The following NT5C2 variants were observed in gnomAD, a reference collection of about 807,000 sequenced individuals.
NT5C2 encodes 5'-nucleotidase, cytosolic II.
In NT5C2, 58 loss-of-function variants were observed where a neutral mutation model predicts 76.1. The ratio of observed to expected loss-of-function variants is 0.76; its 90% CI spans 0.62 to 0.95. The LOEUF (loss-of-function observed/expected upper bound fraction) is 0.95, where lower values mean the gene tolerates loss of function less well. NT5C2 is among the 40% of genes least tolerant of loss of function. The probability of loss-of-function intolerance (pLI) is 0.00; values close to 1 mark genes in which losing one functional copy is unlikely to be tolerated. For missense variants in NT5C2, 478 were observed against 690.3 expected (o/e 0.69, Z 3.45); for synonymous variants, 229 against 237.4 (o/e 0.96, Z 0.32).
At chr10:103,139,002 C>T (rs968244885) in intron 4 of NT5C2, among the ~76,000 whole-genome samples, 19 of 149,756 alleles carry the variant, frequency 1.3e-4, no homozygotes, top group South Asian at 2.1e-4. Flanking sequence ...AGCGAAACTC[C>T]GTCTCAAAAA....
At chr10:103,176,602 G>A (rs1406428596) in intron 2 of NT5C2, among the ~76,000 whole-genome samples, 2 of 152,138 alleles carry the variant, frequency 1.3e-5, no homozygotes, top group Non-Finnish European at 2.9e-5. Context: ...TCGCAGTGGC[G>A]TGATCTCTGC....
chr10:103,144,863 T>C (rs1255942254), intron 3 of NT5C2, among the ~76,000 whole-genome samples: 2 of 152,242 alleles, frequency 1.3e-5, no homozygotes, highest in Non-Finnish European at 1.5e-5. Context: ...AAATATCCTT[T>C]ATCTTTCCAT....
At chr10:103,120,957 A>G (rs2075535967) in intron 4 of NT5C2, among the ~76,000 whole-genome samples, 1 of 152,258 alleles carries the variant, frequency 6.6e-6, no homozygotes, top group Admixed American at 6.5e-5. Flanking sequence ...AATATTATTC[A>G]GTCTCAAAAA....
chr10:103,134,667 A>T (rs929170740), intron 4 of NT5C2, among the ~76,000 whole-genome samples: 47 of 152,132 alleles, frequency 3.1e-4, no homozygotes, highest in African/African-American at 1.1e-3. Flanking sequence ...GAGCTGTGAG[A>T]AGAGGATCAC....
At chr10:103,156,687 G>A (rs764495250) in intron 3 of NT5C2, among the ~76,000 whole-genome samples, 1 of 144,468 alleles carries the variant, frequency 6.9e-6, no homozygotes, top group African/African-American at 2.6e-5. Flanking sequence ...CCCAGGAGGC[G>A]GAGGTTGTGG....
chr10:103,171,326 A>C (rs1236003774), intron 3 of NT5C2, among the ~76,000 whole-genome samples: 3 of 152,226 alleles, frequency 2.0e-5, no homozygotes, highest in Non-Finnish European at 4.4e-5. Context: ...CCTAATTCTG[A>C]CTTAGCTTTC....
chr10:103,099,130 T>C (rs895931076), intron 9 of NT5C2, 146 bp from the exon 10 acceptor site: 1 of 671,390 alleles, frequency 1.5e-6, no homozygotes, highest in African/African-American at 1.8e-5. Context: ...TAGAGTGCAG[T>C]GGTACAATCT....
chr10:103,189,310 A>G (rs923272838), intron 1 of NT5C2, among the ~76,000 whole-genome samples: 13 of 152,140 alleles, frequency 8.5e-5, no homozygotes, highest in African/African-American at 2.7e-4. Context: ...ATCAAATTTT[A>G]ACAATTAAAA....
At chr10:103,120,400 A>G (rs569638054) in intron 4 of NT5C2, among the ~76,000 whole-genome samples, 2 of 152,340 alleles carry the variant, frequency 1.3e-5, no homozygotes, top group African/African-American at 4.8e-5. Flanking sequence ...TGAGGGATTA[A>G]TATCCAGAAT....
At chr10:103,170,444 T>TC (rs1159612508) in intron 3 of NT5C2, among the ~76,000 whole-genome samples, 1 of 151,790 alleles carries the variant, frequency 6.6e-6, no homozygotes, top group Non-Finnish European at 1.5e-5. Flanking sequence ...TCTAAAATAT[T>TC]CCAGGAAATA....
At position 103,131,245 on chromosome 10, in the gene NT5C2, T is replaced by TA. The variant is rs576512858; in HGVS notation, c.175+8160dup. Among the ~76,000 whole-genome samples, 451 of 152,352 alleles carry TA rather than the reference T, an allele frequency of 3.0e-3. 2 individuals are homozygous for TA. Among genetic ancestry groups the TA allele is most frequent in the Non-Finnish European group, 5.2e-3 (351 of 68,026 alleles). ...ATTCTAACTCTGAAAACTAGTAATC[T>TA]ATCTATGCTGTAAGGTAATTATATA... On this transcript the variant is annotated intron_variant, in intron 4 of 18. Transcript: ENST00000404739.
At chr10:103,124,392 A>G (rs1029237181) in intron 4 of NT5C2, among the ~76,000 whole-genome samples, 1 of 152,180 alleles carries the variant, frequency 6.6e-6, no homozygotes, top group African/African-American at 2.4e-5. Context: ...AACACACAGA[A>G]AAGAGCATTA....
At chr10:103,159,106 G>A (rs987559027) in intron 3 of NT5C2, among the ~76,000 whole-genome samples, 6 of 152,114 alleles carry the variant, frequency 3.9e-5, no homozygotes, top group African/African-American at 1.4e-4. Context: ...AGTAGCAGAT[G>A]CTTGTAGTTC....
chr10:103,146,839 C>T (rs1291885681), intron 3 of NT5C2, among the ~76,000 whole-genome samples: 4 of 152,222 alleles, frequency 2.6e-5, no homozygotes, highest in Non-Finnish European at 5.9e-5. Context: ...AATTGCTCTG[C>T]CCTCGCACTA....
intron 4 of NT5C2, among the ~76,000 whole-genome samples, chr10:103,134,077 G>C (rs1337537100): frequency 6.6e-6 from 1 of 152,162 alleles, no homozygotes; most frequent in Non-Finnish European, 1.5e-5. Context: ...GGGAAGCAGA[G>C]CATAAAAGTT....
chr10:103,092,564 C>T (rs1590645835), intron 15 of NT5C2, among the ~76,000 whole-genome samples: 1 of 147,918 alleles, frequency 6.8e-6, no homozygotes, highest in Non-Finnish European at 1.5e-5. Context: ...GCAGGTAATG[C>T]GCATCAAGGC....
chr10:103,174,269 T>G (rs967036610), intron 3 of NT5C2, among the ~76,000 whole-genome samples: 5 of 151,354 alleles, frequency 3.3e-5, no homozygotes, highest in African/African-American at 1.2e-4. Flanking sequence ...TAGTTTGGCA[T>G]GGGGCCATGC....
chr10:103,183,109 A>T (rs2091376027), intron 1 of NT5C2, among the ~76,000 whole-genome samples: 1 of 151,972 alleles, frequency 6.6e-6, no homozygotes, highest in East Asian at 1.9e-4. Context: ...TACTGCTGAA[A>T]AACTAAATCC....
rs2069147098 is a variant in NT5C2 at position 103,099,951 on chromosome 10, T to C, written c.608A>G (p.Asp203Gly). 1.2e-6 allele frequency: 2 copies of C among 1,612,474 alleles called. No individual in the cohort carries two copies. Among genetic ancestry groups the C allele is most frequent in the Non-Finnish European group, 8.5e-7 (1 of 1,178,686 alleles). Residue 203 changes from aspartate (D) to glycine (G), a missense_variant, in exon 9 of 19, where the codon GAT (aspartate) becomes GGT (glycine). Coordinates refer to ENST00000404739, the MANE Select transcript of NT5C2 (RefSeq NM_001351169.2). ...SYRSMFQDVR[D>G]AVDWVHYKGS... ...CTTGTAATGAACCCAGTCAACAGCA[T>C]CTCTTACATCCTGGAACATACTCCG...
Sources: gnomAD v4.1 joint callset for allele counts (sites outside exome capture counted in the v4.1 genomes callset) on GRCh38, gnomAD v4.1.1 for gene constraint, MANE v1.5 for transcripts, NCBI Gene and HGNC (gene_info 2026-07-23, HGNC 2026-07-21) for gene names.